TMEM236: variants seen among roughly 807,000 people sequenced by gnomAD.
TMEM236 encodes the protein family with sequence similarity 23, member A.
A neutral mutation model predicts 14.7 loss-of-function variants in TMEM236; 11 were observed. That is an observed-to-expected ratio of 0.75 (90% CI 0.47 to 1.24). TMEM236 has a LOEUF of 1.24. Ranked by LOEUF, TMEM236 falls within the 50% of genes most tolerant of loss-of-function variation. The probability of loss-of-function intolerance (pLI) is 0.00; values close to 1 mark genes in which losing one functional copy is unlikely to be tolerated. For missense variants in TMEM236, 464 were observed against 427.3 expected (o/e 1.09, Z -0.76); for synonymous variants, 182 against 168.6 (o/e 1.08, Z -0.62).
intron 3 of TMEM236, among the ~76,000 whole-genome samples, chr10:17,788,716 T>A (rs1837876277): frequency 6.6e-6 from 1 of 152,180 alleles, no homozygotes; most frequent in Non-Finnish European, 1.5e-5. Flanking sequence ...CATTTATTTA[T>A]TGTCAGATTT....
At chr10:17,763,028 T>C (rs1188566332) in intron 1 of TMEM236, among the ~76,000 whole-genome samples, 5 of 152,208 alleles carry the variant, frequency 3.3e-5, no homozygotes, top group African/African-American at 1.2e-4. Context: ...GCTCAGGTAC[T>C]GCCTCCATCC....
intron 3 of TMEM236, among the ~76,000 whole-genome samples, chr10:17,785,742 AC>A (rs1320521172): frequency 2.0e-5 from 3 of 152,154 alleles, no homozygotes; most frequent in African/African-American, 4.8e-5. Context: ...CCGGGGACCA[AC>A]CGGGGGGGGA....
chr10:17,761,648 C>T (rs1037922756), intron 1 of TMEM236, among the ~76,000 whole-genome samples: 34 of 143,748 alleles, frequency 2.4e-4, no homozygotes, highest in Non-Finnish European at 4.3e-4. Context: ...GAGCTGAGAT[C>T]GTGCCACTGC....
chr10:17,772,016 A>G (rs1050452376), intron 2 of TMEM236, among the ~76,000 whole-genome samples: 11 of 152,208 alleles, frequency 7.2e-5, no homozygotes, highest in Non-Finnish European at 1.2e-4. Flanking sequence ...AGCATACTTA[A>G]TTTACTAAAT....
rs1344316971 is a variant in TMEM236, at chr10:17,797,192, A to G, written c.*688A>G. 1.3e-5 allele frequency: 2 copies of G among 152,390 alleles called. No individual in the cohort carries two copies. The highest frequency in any genetic ancestry group is 2.9e-5 in the Non-Finnish European group (2 of 68,212). 9.4% of individuals were successfully genotyped at this position (152,390 alleles called of 1,614,324 possible). ...CCTTTTCCATCAAGTTAGCCCAAGA[A>G]TAAGATTTTTATCTTTTATATAGAT... On this transcript the variant is annotated 3_prime_UTR_variant, in exon 4 of 4. Transcript: ENST00000377495.
chr10:17,766,210 C>T (rs1402470507), intron 1 of TMEM236, among the ~76,000 whole-genome samples: 2 of 152,172 alleles, frequency 1.3e-5, no homozygotes, highest in Non-Finnish European at 2.9e-5. Flanking sequence ...AGGGAGGAAA[C>T]AGGCTGTGCC....
intron 1 of TMEM236, among the ~76,000 whole-genome samples, chr10:17,765,075 C>G (rs1053165694): frequency 8.6e-5 from 13 of 152,014 alleles, no homozygotes; most frequent in African/African-American, 3.1e-4. Flanking sequence ...CCACCTCAGT[C>G]TCCCAAAGTG....
At chr10:17,794,731 C>G (rs1341186119) in intron 3 of TMEM236, among the ~76,000 whole-genome samples, 3 of 152,130 alleles carry the variant, frequency 2.0e-5, no homozygotes, top group Non-Finnish European at 2.9e-5. Flanking sequence ...CTATGAATCT[C>G]TAGTGGTCAA....
At position 17,795,919 on chromosome 10, in the gene TMEM236, A is replaced by G. The variant is rs1838004082; in HGVS notation, c.473-2A>G. On this transcript the variant is annotated splice_acceptor_variant, in intron 3 of 3. Coordinates refer to ENST00000377495, the MANE Select transcript of TMEM236 (RefSeq NM_001098844.3). LOFTEE classifies it high-confidence loss of function. The stretch of plus-strand genomic sequence containing the variant: ...AAATGTAAATAAATCTGTTAATTGC[A>G]GGTAGTGAAAATGGACACATCCATT... The G allele has an allele frequency of 1.9e-6, 3 of 1,613,774 alleles. No homozygotes were observed. The highest frequency in any genetic ancestry group is 1.1e-5 in the South Asian group (1 of 91,078).
intron 1 of TMEM236, among the ~76,000 whole-genome samples, chr10:17,761,036 C>G (rs1837354364): frequency 1.3e-5 from 2 of 152,152 alleles, no homozygotes; most frequent in Non-Finnish European, 2.9e-5. Flanking sequence ...AGCTTATTTA[C>G]TTTTTCTTTT....
Position 17,766,033 on chromosome 10 carries a change from A to G in TMEM236, c.258-5276A>G, listed in dbSNP as rs1589142219. Among the ~76,000 whole-genome samples, 3 of 152,178 alleles carry G rather than the reference A, an allele frequency of 2.0e-5. No individual in the cohort carries two copies. In the South Asian group the frequency reaches 6.2e-4, roughly 32 times the overall value. On this transcript the variant is annotated intron_variant, in intron 1 of 3. Transcript: ENST00000377495. ...TATTTCTGCTGAGATGGTTGACTGG[A>G]TTCACAAACCACAGCCTTGGTGTTC...
chr10:17,773,518 A>G (rs1170668076), intron 2 of TMEM236, among the ~76,000 whole-genome samples: 1 of 152,056 alleles, frequency 6.6e-6, no homozygotes, highest in Non-Finnish European at 1.5e-5. Context: ...TTGTATTTTT[A>G]GTACAGACGG....
chr10:17,774,941 G>T (rs550182667), intron 2 of TMEM236, among the ~76,000 whole-genome samples: 18,366 of 152,060 alleles, frequency 0.12, 1,466 homozygotes, highest in Non-Finnish European at 0.17. Context: ...GGGACCACTG[G>T]CATGTGCCAC....
At position 17,798,258 on chromosome 10, in the gene TMEM236, G is replaced by T. The variant is rs1262566924; in HGVS notation, c.*1754G>T. On this transcript the variant is annotated 3_prime_UTR_variant, in exon 4 of 4. Coordinates refer to ENST00000377495, the MANE Select transcript of TMEM236 (RefSeq NM_001098844.3). ...ATGAAGCTTAAGAATTTGACATATG[G>T]CCGGCTGTGGTGGCTCACACGTGTA... 1.3e-5 allele frequency: 3 copies of T among 234,126 alleles called. No homozygotes were observed. The highest frequency in any genetic ancestry group is 5.2e-5 in the Admixed American group (1 of 19,274). The allele number at this position is 234,126 out of a possible 1,614,324, so 14.5% of individuals were successfully genotyped here. A position where few individuals can be genotyped will look rare whatever the true frequency, so the allele number is the denominator to read the frequency against.
At chr10:17,764,946 C>T (rs1419987141) in intron 1 of TMEM236, among the ~76,000 whole-genome samples, 5 of 151,698 alleles carry the variant, frequency 3.3e-5, no homozygotes, top group Admixed American at 6.6e-5. Flanking sequence ...CTCAGCCTCC[C>T]GGGTAGCTGG....
intron 2 of TMEM236, among the ~76,000 whole-genome samples, chr10:17,775,199 G>A (rs896075195): frequency 3.3e-5 from 5 of 152,126 alleles, no homozygotes; most frequent in Non-Finnish European, 7.4e-5. Flanking sequence ...TCTTATTCCT[G>A]ATTTCAGAGG....
intron 1 of TMEM236, among the ~76,000 whole-genome samples, chr10:17,757,373 G>C (rs1162168906): frequency 6.6e-6 from 1 of 152,126 alleles, no homozygotes; most frequent in African/African-American, 2.4e-5. Flanking sequence ...TTAGGTGTGA[G>C]GATCGCTTGA....
At chr10:17,785,348 G>T (rs1194643873) in intron 3 of TMEM236, among the ~76,000 whole-genome samples, 1 of 152,114 alleles carries the variant, frequency 6.6e-6, no homozygotes, top group Non-Finnish European at 1.5e-5. Context: ...CTCCGCCATA[G>T]ATTATGATGC....
chr10:17,765,042 G>C (rs1425784657), intron 1 of TMEM236, among the ~76,000 whole-genome samples: 1 of 151,762 alleles, frequency 6.6e-6, no homozygotes, highest in Non-Finnish European at 1.5e-5. Flanking sequence ...GGATGGTCTT[G>C]ATCTCTGGAC....
Sources: allele counts gnomAD v4.1 joint callset (sites outside exome capture counted in the v4.1 genomes callset), GRCh38; gene constraint gnomAD v4.1.1; transcripts MANE v1.5; gene names NCBI Gene and HGNC (gene_info 2026-07-23, HGNC 2026-07-21).